The following ZNF334 variants were observed in gnomAD, a reference collection of about 807,000 sequenced individuals.
ZNF334 encodes the protein zinc finger protein 334.
A neutral mutation model predicts 12.4 loss-of-function variants in ZNF334; 14 were observed. The observed-to-expected ratio is 1.13, with a 90% CI of 0.74 to 1.76. The LOEUF (loss-of-function observed/expected upper bound fraction) is 1.76. Among genes scored for constraint, ZNF334 ranks in the 40% most tolerant of loss-of-function variants. The pLI is 0.00. For missense variants in ZNF334, 797 were observed against 804.5 expected, an observed-to-expected ratio of 0.99 and a Z score of 0.11; for synonymous variants, 273 against 269.6, an observed-to-expected ratio of 1.01 and a Z score of -0.12.
chr20:46,475,948 A>G, the ZNF334 span, among the ~76,000 whole-genome samples: 3 of 152,338 alleles, frequency 2.0e-5, no homozygotes, highest in Admixed American at 6.5e-5. Context: ...ATATGTTAGC[A>G]CAAGAACCTA....
At chr20:46,503,653 T>C (rs1601030801) in intron 4 of ZNF334, among the ~76,000 whole-genome samples, 1 of 152,288 alleles carries the variant, frequency 6.6e-6, no homozygotes, top group African/African-American at 2.4e-5. Context: ...GATTGTGGGC[T>C]GAGTAGAGCT....
the ZNF334 span, among the ~76,000 whole-genome samples, chr20:46,465,969 GA>G: frequency 1.3e-5 from 2 of 151,708 alleles, no homozygotes; most frequent in African/African-American, 4.8e-5. Flanking sequence ...AAAAAAATTA[GA>G]ATATGAAAAA....
At chr20:46,506,000 T>A (rs2061416605) in intron 2 of ZNF334, 1 of 193,834 alleles carries the variant, frequency 5.2e-6, no homozygotes, top group Non-Finnish European at 1.0e-5. Flanking sequence ...GTAATGTGCA[T>A]ATTATTTCAC....
At chr20:46,488,444 A>ATATATATATATATATATAT in the ZNF334 span, among the ~76,000 whole-genome samples, 8 of 84,192 alleles carry the variant, frequency 9.5e-5, no homozygotes, top group African/African-American at 4.8e-4. Flanking sequence ...TATATATATA[A>ATATATATATATATATATAT]ATACCATAAT....
chr20:46,498,945 C>T (rs1011846009), downstream of ZNF334, among the ~76,000 whole-genome samples: 6 of 151,952 alleles, frequency 3.9e-5, no homozygotes, highest in Admixed American at 6.6e-5. Context: ...GAGGCCGAGG[C>T]GGGCGGATCA....
downstream of ZNF334, chr20:46,496,828 T>C (rs943588577): frequency 6.6e-6 from 1 of 152,214 alleles, no homozygotes. Context: ...ACACCACAAA[T>C]GGCACCAACC....
downstream of ZNF334, among the ~76,000 whole-genome samples, chr20:46,495,937 T>C (rs1343865848): frequency 6.6e-6 from 1 of 152,070 alleles, no homozygotes; most frequent in African/African-American, 2.4e-5. Flanking sequence ...GCCACGGTGG[T>C]AAATGACCAC....
At chr20:46,507,188 G>A (rs1434512415) in intron 2 of ZNF334, among the ~76,000 whole-genome samples, 2 of 150,230 alleles carry the variant, frequency 1.3e-5, no homozygotes, top group African/African-American at 2.5e-5. Context: ...GGAAAAGAAA[G>A]GAGAAATGAA....
chr20:46,469,526 A>G, the ZNF334 span, among the ~76,000 whole-genome samples: 23 of 142,864 alleles, frequency 1.6e-4, no homozygotes, highest in Admixed American at 1.5e-3. Flanking sequence ...CCACCACCAC[A>G]CTGGGCTATT....
chr20:46,464,537 T>C, the ZNF334 span: 6 of 449,384 alleles, frequency 1.3e-5, no homozygotes, highest in Admixed American at 1.6e-4. Flanking sequence ...TTCCTTCTCA[T>C]GGGCCTCAGG....
the ZNF334 span, among the ~76,000 whole-genome samples, chr20:46,473,018 T>C: frequency 1.3e-5 from 2 of 152,264 alleles, no homozygotes; most frequent in Non-Finnish European, 2.9e-5. Context: ...TTTTGGTAGT[T>C]GTAGACCTAT....
the ZNF334 span, among the ~76,000 whole-genome samples, chr20:46,489,084 C>T: frequency 2.0e-5 from 3 of 151,780 alleles, no homozygotes; most frequent in African/African-American, 7.3e-5. Flanking sequence ...AATTTTTTGC[C>T]CATTATTTCT....
chr20:46,512,002 AT>A (rs2061668457), intron 2 of ZNF334, 79 bp downstream of exon 2: 2 of 1,398,182 alleles, frequency 1.4e-6, no homozygotes, highest in East Asian at 4.6e-5. Context: ...AATTTTATAC[AT>A]TTCGTTTCAT....
rs2061215921 is a variant in ZNF334 at position 46,502,184 on chromosome 20, G to T, written c.1155C>A (p.Thr385=). The change falls in exon 5 of 5, where the codon ACC becomes ACA. Residue 385 remains threonine, a synonymous_variant. Transcript: ENST00000692313. ...KPNECKECGK[T]FFCQSALTAH... ...CAGTAAGGGCTGACTGACAGAAGAA[G>T]GTTTTCCCACATTCCTTACATTCAT... 6.2e-7 allele frequency: 1 copy of T among 1,614,118 alleles called. No homozygotes were observed. The highest frequency in any genetic ancestry group is 1.3e-5 in the African/African-American group (1 of 75,050).
chr20:46,482,858 T>C, the ZNF334 span, among the ~76,000 whole-genome samples: 1 of 152,206 alleles, frequency 6.6e-6, no homozygotes, highest in Non-Finnish European at 1.5e-5. Flanking sequence ...ACAGTGTGAA[T>C]TGTCCTGTTT....
chr20:46,504,587 G>A (rs1163614364), intron 3 of ZNF334, 27 bp downstream of exon 3: 9 of 1,565,918 alleles, frequency 5.7e-6, no homozygotes, highest in Non-Finnish European at 7.7e-6. Flanking sequence ...TATGCTCTTG[G>A]GAGTTGTACA....
At chr20:46,476,969 T>A in the ZNF334 span, 2 of 152,178 alleles carry the variant, frequency 1.3e-5, no homozygotes, top group Non-Finnish European at 2.9e-5. Flanking sequence ...AATAAAATAA[T>A]CCCATACACC....
At chr20:46,487,551 G>C in the ZNF334 span, among the ~76,000 whole-genome samples, 2 of 152,054 alleles carry the variant, frequency 1.3e-5, no homozygotes, top group Non-Finnish European at 2.9e-5. Context: ...CATATTCTTG[G>C]AGTGTATTCT....
chr20:46,480,829 G>C, the ZNF334 span, among the ~76,000 whole-genome samples: 19 of 152,084 alleles, frequency 1.2e-4, no homozygotes. Context: ...TGTTTCACTG[G>C]GTGGCAGGGA....
Sources: allele counts gnomAD v4.1 joint callset (sites outside exome capture counted in the v4.1 genomes callset), GRCh38; gene constraint gnomAD v4.1.1; transcripts MANE v1.5; gene names NCBI Gene and HGNC (gene_info 2026-07-23, HGNC 2026-07-21).